Variants in ZNF429 observed in about 807,000 individuals in gnomAD.
The protein encoded by ZNF429 is zinc finger protein 429.
Under a neutral mutation model 56.8 loss-of-function variants are expected in ZNF429, and 53 were observed. That is an observed-to-expected ratio of 0.93 (90% CI 0.75 to 1.17). The LOEUF (loss-of-function observed/expected upper bound fraction) is 1.17, where lower values mean the gene tolerates loss of function less well. Among genes scored for constraint, ZNF429 ranks in the 50% most tolerant of loss-of-function variants. The pLI is 0.00. For synonymous variants in ZNF429, 278 were observed against 264.7 expected (o/e 1.05, Z -0.49); for missense variants, 849 against 788.4 (o/e 1.08, Z -0.92).
chr19:21,527,348 A>G (rs1032842451), intron 1 of ZNF429, among the ~76,000 whole-genome samples: 10 of 152,170 alleles, frequency 6.6e-5, no homozygotes, highest in Admixed American at 3.9e-4. Flanking sequence ...AGAATTCCAC[A>G]GCCAATTTAC....
rs112717187 is a variant in ZNF429 at position 21,537,862 on chromosome 19, T to C, written c.1809T>C (p.Asn603=). Residue 603 remains asparagine (N), a synonymous_variant, in exon 4 of 4, where the codon AAT becomes AAC. Coordinates refer to ENST00000358491, the MANE Select transcript of ZNF429 (RefSeq NM_001001415.4). ...YKCEECGKAF[N]RSSRLTQHKK... is the part of the protein sequence containing the mutation. ...GTGAAGAATGTGGCAAAGCTTTTAATCGGTCCTCAAGACTTACTCAACATA... is the reference window on the plus strand; with the variant it reads ...GTGAAGAATGTGGCAAAGCTTTTAACCGGTCCTCAAGACTTACTCAACATA... 8 of 1,608,986 alleles carry C rather than the reference T, an allele frequency of 5.0e-6. No homozygotes were observed. Among genetic ancestry groups the C allele is most frequent in the Non-Finnish European group, 6.8e-6 (8 of 1,178,602 alleles).
chr19:21,522,562 C>T (rs945700902), intron 1 of ZNF429, among the ~76,000 whole-genome samples: 9 of 152,142 alleles, frequency 5.9e-5, no homozygotes, highest in Non-Finnish European at 1.2e-4. Context: ...AGGCTTTACT[C>T]TAGAGGGTAC....
At chr19:21,529,926 C>A in intron 2 of ZNF429, 142 bp downstream of exon 2, 2 of 556,680 alleles carry the variant, frequency 3.6e-6, no homozygotes, top group East Asian at 1.1e-4. Flanking sequence ...GGCCGGGTGT[C>A]TTGGCTCACG....
In ZNF429 at chr19:21,538,277, C is replaced by CAAAAAAAAAAA. The variant is rs531427318; in HGVS notation, c.*211_*221dup. ...TGGGTGACAGAGCCAGACTCCATCT[C>CAAAAAAAAAAA]AAAAAAAAAAAAAAAAAAAAAAGAA... On this transcript the variant is annotated 3_prime_UTR_variant, in exon 4 of 4. Transcript: ENST00000358491. Among the ~76,000 whole-genome samples, 2 of 34,390 alleles carry CAAAAAAAAAAA rather than the reference C, an allele frequency of 5.8e-5. No individual in the cohort carries two copies. Among genetic ancestry groups the CAAAAAAAAAAA allele is most frequent in the African/African-American group, 2.8e-4 (2 of 7,170 alleles). The allele number at this position is 34,390 out of a possible 152,430, so 22.6% of individuals were successfully genotyped here.
intron 1 of ZNF429, among the ~76,000 whole-genome samples, chr19:21,519,436 A>C (rs35715748): frequency 7.6e-4 from 115 of 152,226 alleles, no homozygotes; most frequent in Non-Finnish European, 1.5e-3. Context: ...AGATAAGCCC[A>C]TGCAAGGCAC....
At chr19:21,535,327 C>CTT in intron 3 of ZNF429, among the ~76,000 whole-genome samples, 1,585 of 116,002 alleles carry the variant, frequency 0.014, 183 homozygotes, top group African/African-American at 0.06. Context: ...TTCTTTCTTT[C>CTT]TCTTTTCTTT....
intron 1 of ZNF429, among the ~76,000 whole-genome samples, chr19:21,522,869 C>G (rs1029597258): frequency 1.3e-4 from 20 of 151,526 alleles, no homozygotes; most frequent in Admixed American, 9.9e-4. Context: ...GCACTCTAGC[C>G]TGGGCAACAG....
intron 3 of ZNF429, among the ~76,000 whole-genome samples, chr19:21,535,104 G>C: frequency 6.6e-6 from 1 of 151,010 alleles, no homozygotes; most frequent in African/African-American, 2.4e-5. Context: ...TGGGATTACA[G>C]GCGTGAGCCA....
rs368886512 is a variant in ZNF429 at position 21,537,961 on chromosome 19, T to C, written c.1908T>C (p.Leu636=). 2.4e-5 allele frequency: 38 copies of C among 1,613,952 alleles called. No homozygotes were observed. The African/African-American group carries it at 4.8e-4, about 20-fold the overall frequency. The change falls in exon 4 of 4, where the codon CTT becomes CTC. Residue 636 remains leucine, a synonymous_variant. Transcript: ENST00000358491. Reference sequence around the variant, plus strand: ...AAGCTTTTACCCGGTCTTCAAGACTTACTCAACATAAGAAAATTCATAGGA... The same window carrying C: ...AAGCTTTTACCCGGTCTTCAAGACTCACTCAACATAAGAAAATTCATAGGA... ...CAKAFTRSSR[L]TQHKKIHRMG...
chr19:21,534,570 A>G, intron 3 of ZNF429, among the ~76,000 whole-genome samples: 9 of 152,034 alleles, frequency 5.9e-5, no homozygotes, highest in Non-Finnish European at 1.2e-4. Flanking sequence ...GGATTTCACT[A>G]TGTTGCCCAG....
chr19:21,538,193 G>A lies in ZNF429; in HGVS notation c.*115G>A. 2.2e-6 allele frequency: 1 copy of A among 450,364 alleles called. No homozygotes were observed. The allele number at this position is 450,364 out of a possible 1,614,324, so 27.9% of individuals were successfully genotyped here. On this transcript the variant is annotated 3_prime_UTR_variant, in exon 4 of 4. Transcript: ENST00000358491. ...ACTCGGGAGGCTGAGGCAGGAGAATGGCCTGAACCCGGAGGTGGAGCTTGC... is the reference window on the plus strand; with the variant it reads ...ACTCGGGAGGCTGAGGCAGGAGAATAGCCTGAACCCGGAGGTGGAGCTTGC...
intron 1 of ZNF429, among the ~76,000 whole-genome samples, chr19:21,511,535 C>T (rs911495965): frequency 7.2e-5 from 11 of 151,836 alleles, no homozygotes; most frequent in East Asian, 1.9e-4. Flanking sequence ...CGGGAAGAGG[C>T]GCTCCTCACT....
chr19:21,511,379 C>T (rs557041369), intron 1 of ZNF429, among the ~76,000 whole-genome samples: 1,582 of 148,846 alleles, frequency 0.011, 30 homozygotes, highest in African/African-American at 0.028. Flanking sequence ...CGGGCAGAGA[C>T]GCTCCTCACC....
intron 1 of ZNF429, chr19:21,521,559 G>A (rs73548615): frequency 5.1e-4 from 78 of 152,166 alleles, no homozygotes; most frequent in African/African-American, 1.8e-3. Flanking sequence ...ATATTTTCTG[G>A]CCTACTTGAT....
At chr19:21,509,971 C>G (rs537713097) in intron 1 of ZNF429, among the ~76,000 whole-genome samples, 2 of 151,398 alleles carry the variant, frequency 1.3e-5, no homozygotes, top group East Asian at 3.9e-4. Context: ...TGCAGTGGCA[C>G]GATCTCTGCT....
At chr19:21,531,144 A>C in intron 3 of ZNF429, among the ~76,000 whole-genome samples, 1 of 147,850 alleles carries the variant, frequency 6.8e-6, no homozygotes, top group Non-Finnish European at 1.5e-5. Flanking sequence ...AAAAAAAAAA[A>C]CACCCGTCTT....
intron 1 of ZNF429, among the ~76,000 whole-genome samples, chr19:21,512,536 C>T (rs946098341): frequency 1.6e-4 from 24 of 151,580 alleles, no homozygotes; most frequent in African/African-American, 3.9e-4. Context: ...TGGTGGCGGG[C>T]GCCTGTAATC....
intron 3 of ZNF429, among the ~76,000 whole-genome samples, chr19:21,535,072 C>T: frequency 6.6e-6 from 1 of 150,484 alleles, no homozygotes; most frequent in African/African-American, 2.4e-5. Flanking sequence ...TGTGATCCGC[C>T]CGCCTCGGCC....
intron 1 of ZNF429, among the ~76,000 whole-genome samples, chr19:21,511,456 C>T (rs143467934): frequency 0.61 from 91,798 of 150,598 alleles, 28,426 homozygotes; most frequent in African/African-American, 0.72. Context: ...GGGGCAGAGG[C>T]GCTCCCCACA....
Sources: allele counts gnomAD v4.1 joint callset (sites outside exome capture counted in the v4.1 genomes callset), GRCh38; gene constraint gnomAD v4.1.1; transcripts MANE v1.5; gene names NCBI Gene and HGNC (gene_info 2026-07-23, HGNC 2026-07-21).